Variants in CFAP263 observed in about 807,000 individuals in gnomAD.
The protein encoded by CFAP263 is cilia and flagella associated protein 263.
At chr16:58,278,724 G>C in the CFAP263 span, 14 of 1,206,572 alleles carry the variant, frequency 1.2e-5, no homozygotes, top group Non-Finnish European at 1.5e-5. Flanking sequence ...TAAGAATACA[G>C]ATGTTTGGAT....
chr16:58,270,535 A>G, the CFAP263 span, among the ~76,000 whole-genome samples: 2 of 151,788 alleles, frequency 1.3e-5, no homozygotes, highest in Non-Finnish European at 2.9e-5. Context: ...TAAGATTCAC[A>G]AATATTTTCT....
the CFAP263 span, among the ~76,000 whole-genome samples, chr16:58,256,796 C>T: frequency 6.6e-6 from 1 of 152,024 alleles, no homozygotes; most frequent in East Asian, 1.9e-4. Flanking sequence ...GGATGATTTG[C>T]AGTCTGGCTA....
the CFAP263 span, chr16:58,278,555 T>C: frequency 1.2e-6 from 2 of 1,614,076 alleles, no homozygotes; most frequent in African/African-American, 2.7e-5. Context: ...CCACAGGTGA[T>C]GACTTACGTC....
the CFAP263 span, chr16:58,280,270 A>T: frequency 6.2e-7 from 1 of 1,613,742 alleles, no homozygotes; most frequent in Non-Finnish European, 8.5e-7. Flanking sequence ...AACCAAGATG[A>T]TTTCTTCGGG....
the CFAP263 span, among the ~76,000 whole-genome samples, chr16:58,260,512 C>T: frequency 4.6e-5 from 7 of 152,102 alleles, no homozygotes; most frequent in Non-Finnish European, 7.4e-5. Flanking sequence ...ACAGAGTTGG[C>T]GTGAATTTAA....
the CFAP263 span, chr16:58,280,716 G>A: frequency 2.0e-5 from 32 of 1,613,320 alleles, no homozygotes; most frequent in East Asian, 2.0e-4. Context: ...CCCACAGATC[G>A]AACTGCTGTA....
chr16:58,273,034 A>T, the CFAP263 span, among the ~76,000 whole-genome samples: 1 of 151,998 alleles, frequency 6.6e-6, no homozygotes, highest in Non-Finnish European at 1.5e-5. Context: ...ATTGTTTCTG[A>T]TAAGAAATCA....
chr16:58,269,765 G>A, the CFAP263 span, among the ~76,000 whole-genome samples: 1 of 152,188 alleles, frequency 6.6e-6, no homozygotes, highest in Non-Finnish European at 1.5e-5. Context: ...GGATTATCAT[G>A]AGTCATCCTG....
the CFAP263 span, among the ~76,000 whole-genome samples, chr16:58,255,601 G>T: frequency 6.8e-6 from 1 of 146,268 alleles, no homozygotes; most frequent in African/African-American, 2.5e-5. Flanking sequence ...ATGGAGTCTT[G>T]CTCAGTTGCC....
the CFAP263 span, among the ~76,000 whole-genome samples, chr16:58,270,122 A>C: frequency 2.0e-5 from 3 of 152,168 alleles, no homozygotes. Flanking sequence ...CCACTTGTCT[A>C]TCTTTCTTTG....
At chr16:58,276,936 C>G in the CFAP263 span, among the ~76,000 whole-genome samples, 3 of 152,030 alleles carry the variant, frequency 2.0e-5, no homozygotes, top group African/African-American at 7.2e-5. Flanking sequence ...AAAAAGGAAA[C>G]ATGTTTGTAT....
At chr16:58,266,396 TA>T in the CFAP263 span, among the ~76,000 whole-genome samples, 1 of 40,400 alleles carries the variant, frequency 2.5e-5, no homozygotes, top group African/African-American at 1.2e-4. Context: ...TATATATATA[TA>T]TATATATATT....
At chr16:58,267,650 C>T in the CFAP263 span, 1 of 972,530 alleles carries the variant, frequency 1.0e-6, no homozygotes, top group Non-Finnish European at 1.6e-6. Context: ...GGGCTTGAGT[C>T]AAGGTCCACC....
chr16:58,268,679 C>A, the CFAP263 span, among the ~76,000 whole-genome samples: 2 of 152,036 alleles, frequency 1.3e-5, no homozygotes, highest in Non-Finnish European at 2.9e-5. Flanking sequence ...TGAAAAAAAC[C>A]CCCAATTTCA....
chr16:58,252,804 G>A, the CFAP263 span: 3 of 1,613,744 alleles, frequency 1.9e-6, no homozygotes, highest in South Asian at 2.2e-5. Context: ...AGGGATCAGC[G>A]ACCTCCACGA....
the CFAP263 span, chr16:58,254,207 C>G: frequency 6.3e-7 from 1 of 1,597,692 alleles, no homozygotes; most frequent in African/African-American, 1.3e-5. Context: ...CTCCCCACCT[C>G]TACCCCACTG....
chr16:58,279,229 C>A, the CFAP263 span, among the ~76,000 whole-genome samples: 1 of 152,222 alleles, frequency 6.6e-6, no homozygotes, highest in South Asian at 2.1e-4. Context: ...AAACTGAGGT[C>A]ATGCAGGACA....
the CFAP263 span, chr16:58,280,651 T>C: frequency 6.2e-7 from 1 of 1,614,128 alleles, no homozygotes; most frequent in Non-Finnish European, 8.5e-7. Flanking sequence ...CACCTTGGTG[T>C]ACAGAAACAG....
chr16:58,267,417 C>A, the CFAP263 span: 1 of 1,094,198 alleles, frequency 9.1e-7, no homozygotes. Context: ...AGAGATGTCT[C>A]CCCTTCCTGC....
Sources: allele counts gnomAD v4.1 joint callset (sites outside exome capture counted in the v4.1 genomes callset), GRCh38; gene constraint gnomAD v4.1.1; transcripts MANE v1.5; gene names NCBI Gene and HGNC (gene_info 2026-07-23, HGNC 2026-07-21).